Variants in PRDM10 observed in about 807,000 individuals in gnomAD.
PRDM10 encodes PR/SET domain 10, also known as PR domain zinc finger protein 10.
A neutral mutation model predicts 133.1 loss-of-function variants in PRDM10; 65 were observed. That is an observed-to-expected ratio of 0.49 (90% CI 0.40 to 0.60). The LOEUF is 0.60. Ranked by LOEUF, PRDM10 falls within the 20% of genes least tolerant of loss-of-function variation. PRDM10 has a pLI of 0.00. For missense variants in PRDM10, 1,137 were observed against 1,507.1 expected, an observed-to-expected ratio of 0.75 and a Z score of 4.07; for synonymous variants, 582 against 580.4, an observed-to-expected ratio of 1.00 and a Z score of -0.04.
intron 1 of PRDM10, among the ~76,000 whole-genome samples, chr11:129,999,662 T>A (rs766131806): frequency 6.6e-6 from 1 of 152,174 alleles, no homozygotes; most frequent in Admixed American, 6.6e-5. Context: ...GTGCTTAAAA[T>A]GAAAAATTGA....
intron 4 of PRDM10, among the ~76,000 whole-genome samples, chr11:129,955,012 T>G (rs1951670406): frequency 6.6e-6 from 1 of 152,140 alleles, no homozygotes; most frequent in Non-Finnish European, 1.5e-5. Flanking sequence ...AAGGAGGAAG[T>G]CATCAAAGCC....
rs958111921 is a variant in PRDM10, at chr11:129,915,828, G to A, written c.2358C>T (p.His786=). Residue 786 remains histidine (H), a synonymous_variant, in exon 16 of 21, where the codon CAC becomes CAT. Coordinates refer to ENST00000360871, the MANE Select transcript of PRDM10 (RefSeq NM_199437.2). ...CTGCTCCTGGGTGGTTCTTCAGAAT[G>A]TGGGCTTTGCGCTTGCTGGCACTTT... is the stretch of plus-strand genomic sequence containing the variant. ...VYKSASKRKA[H]ILKNHPGAEL... is the part of the protein sequence containing the mutation. 13 of 1,614,084 alleles carry A rather than the reference G, an allele frequency of 8.1e-6. No individual in the cohort carries two copies. The highest frequency in any genetic ancestry group is 2.2e-5 in the South Asian group (2 of 91,090).
At chr11:129,931,386 A>G in intron 10 of PRDM10, 128 bp from the exon 11 acceptor site, 1 of 1,291,244 alleles carries the variant, frequency 7.7e-7, no homozygotes, top group Non-Finnish European at 1.0e-6. Context: ...CCTCTGGGAA[A>G]GTTAATTAGG....
chr11:129,910,445 G>A (rs368544263), intron 19 of PRDM10, 31 bp downstream of exon 19: 35 of 1,612,452 alleles, frequency 2.2e-5, no homozygotes, highest in Non-Finnish European at 2.5e-5. Context: ...CCCCACCCCT[G>A]ACCGACACGG....
intron 6 of PRDM10, 89 bp downstream of exon 6, chr11:129,944,682 A>G: frequency 6.6e-7 from 1 of 1,512,510 alleles, no homozygotes; most frequent in Non-Finnish European, 8.9e-7. Flanking sequence ...AACTGCTAAG[A>G]AACAGGAATA....
chr11:129,919,269 AG>A (rs1241271355), intron 13 of PRDM10, among the ~76,000 whole-genome samples: 1 of 152,164 alleles, frequency 6.6e-6, no homozygotes, highest in Admixed American at 6.5e-5. Context: ...CAGGAGGCTG[AG>A]GCAGGAGAAT....
At chr11:129,981,851 G>A (rs971809797) in intron 1 of PRDM10, among the ~76,000 whole-genome samples, 4 of 151,968 alleles carry the variant, frequency 2.6e-5, no homozygotes, top group African/African-American at 7.3e-5. Context: ...AGCCGAGATC[G>A]CATTACTGCA....
intron 8 of PRDM10, among the ~76,000 whole-genome samples, chr11:129,936,773 C>G (rs1031750885): frequency 6.6e-6 from 1 of 152,142 alleles, no homozygotes; most frequent in Non-Finnish European, 1.5e-5. Context: ...TTGGGAGCTC[C>G]AGAGCCTCCA....
rs1017409565 is a variant in PRDM10 at position 129,923,641 on chromosome 11, C to T, written c.1879-238G>A. On this transcript the variant is annotated intron_variant, in intron 12 of 20. Transcript: ENST00000360871. The surrounding 1 kb of genome is among the most constrained non-coding windows in gnomAD (Gnocchi z 4.4). ...TCCGAACCTCCCCGATGACTTGAAA[C>T]GTGAGAGAGAGAGAGAGAGAGAGAG... is the stretch of plus-strand genomic sequence containing the variant. 4.5e-5 allele frequency among the ~76,000 whole-genome samples: 2 copies of T among 44,256 alleles called. No homozygotes were observed. Among genetic ancestry groups the T allele is most frequent in the African/African-American group, 1.2e-4 (1 of 8,106 alleles). The allele number at this position is 44,256 out of a possible 152,430, so 29.0% of individuals were successfully genotyped here.
At chr11:129,952,214 AG>A (rs1951599086) in intron 4 of PRDM10, among the ~76,000 whole-genome samples, 1 of 152,348 alleles carries the variant, frequency 6.6e-6, no homozygotes, top group Non-Finnish European at 1.5e-5. Context: ...GGCCCTTTGA[AG>A]TGCAAATGGC....
intron 4 of PRDM10, among the ~76,000 whole-genome samples, chr11:129,948,786 A>G (rs1951500670): frequency 6.6e-6 from 1 of 152,176 alleles, no homozygotes; most frequent in Non-Finnish European, 1.5e-5. Flanking sequence ...GTCTTCATTT[A>G]TTTCGCAGTG....
At chr11:129,956,738 G>A (rs571034542) in intron 3 of PRDM10, among the ~76,000 whole-genome samples, 1 of 152,172 alleles carries the variant, frequency 6.6e-6, no homozygotes, top group Admixed American at 6.5e-5. Context: ...TCATACTTAT[G>A]TAGATTTGAA....
At chr11:129,909,675 T>C (rs1950125175) in intron 19 of PRDM10, among the ~76,000 whole-genome samples, 1 of 152,128 alleles carries the variant, frequency 6.6e-6, no homozygotes, top group Non-Finnish European at 1.5e-5. Flanking sequence ...TCCTATTCCT[T>C]CCACACCTTC....
At chr11:129,943,978 G>A (rs534438964) in intron 6 of PRDM10, among the ~76,000 whole-genome samples, 7 of 152,188 alleles carry the variant, frequency 4.6e-5, no homozygotes, top group South Asian at 2.1e-4. Context: ...GCAACAGAGC[G>A]AGGCTCCATC....
intron 8 of PRDM10, among the ~76,000 whole-genome samples, chr11:129,936,580 G>A (rs1019930419): frequency 9.9e-5 from 15 of 152,232 alleles, no homozygotes; most frequent in African/African-American, 3.1e-4. Context: ...GTGAGCCCGG[G>A]AGGTGGAGCT....
chr11:129,988,420 C>T (rs978986946), intron 1 of PRDM10, among the ~76,000 whole-genome samples: 11 of 151,962 alleles, frequency 7.2e-5, no homozygotes, highest in South Asian at 2.1e-4. Flanking sequence ...TGGGTAGAGA[C>T]GGGGTTTCGC....
intron 1 of PRDM10, among the ~76,000 whole-genome samples, chr11:129,963,350 G>T (rs1274208552): frequency 7.1e-6 from 1 of 140,414 alleles, no homozygotes. Context: ...GTTAGCCAGG[G>T]CAACACAGAG....
intron 1 of PRDM10, among the ~76,000 whole-genome samples, chr11:129,988,116 C>A (rs2135985953): frequency 6.6e-6 from 1 of 152,210 alleles, no homozygotes; most frequent in East Asian, 1.9e-4. Flanking sequence ...TGAACAATTC[C>A]ATTTATGTAA....
Position 130,002,803 on chromosome 11 carries a change from G to C in PRDM10, c.-200C>G. On this transcript the variant is annotated 5_prime_UTR_variant, in exon 1 of 21. Coordinates refer to ENST00000360871, the MANE Select transcript of PRDM10 (RefSeq NM_199437.2). ...GGGGTGATAGAAATCAACCCCCCCC[G>C]CCACCTCCAGGTGGTTCTTCCCGCC... 4.9e-6 allele frequency: 1 copy of C among 204,552 alleles called. No homozygotes were observed. The highest frequency in any genetic ancestry group is 1.0e-5 in the Non-Finnish European group (1 of 98,024). The allele number at this position is 204,552 out of a possible 1,614,324, so 12.7% of individuals were successfully genotyped here.
Sources: allele counts gnomAD v4.1 joint callset (sites outside exome capture counted in the v4.1 genomes callset), GRCh38; gene constraint gnomAD v4.1.1; non-coding constraint Gnocchi (gnomAD v3.1); transcripts MANE v1.5; gene names NCBI Gene and HGNC (gene_info 2026-07-23, HGNC 2026-07-21).